PAX7: variants seen among roughly 807,000 people sequenced by gnomAD.
PAX7 encodes paired box protein Pax-7.
Under a neutral mutation model 50.7 loss-of-function variants are expected in PAX7, and 18 were observed. The observed-to-expected ratio is 0.36, with a 90% CI of 0.25 to 0.53. PAX7 has a LOEUF of 0.53. Ranked by LOEUF, PAX7 falls within the 20% of genes least tolerant of loss-of-function variation. The pLI, the probability that PAX7 is intolerant of heterozygous loss-of-function variation, is 0.93. For missense variants in PAX7, 644 were observed against 702.9 expected (o/e 0.92, Z 0.95); for synonymous variants, 310 against 290.4 (o/e 1.07, Z -0.69).
At chr1:18,663,063 C>T (rs936170722) in intron 4 of PAX7, among the ~76,000 whole-genome samples, 3 of 152,218 alleles carry the variant, frequency 2.0e-5, no homozygotes, top group Admixed American at 1.3e-4. Context: ...CACATCTATA[C>T]ATATGTTTAT....
chr1:18,723,319 A>G (rs1032076499), intron 7 of PAX7, among the ~76,000 whole-genome samples: 4 of 152,226 alleles, frequency 2.6e-5, no homozygotes, highest in Non-Finnish European at 4.4e-5. Context: ...CTACGGAGCC[A>G]TATATGTTGG....
At chr1:18,671,483 A>G (rs2088747909) in intron 4 of PAX7, among the ~76,000 whole-genome samples, 1 of 152,224 alleles carries the variant, frequency 6.6e-6, no homozygotes, top group Non-Finnish European at 1.5e-5. Flanking sequence ...GAAGAAAGCC[A>G]GAGGTTGGGG....
At chr1:18,699,105 G>T (rs78201204) in intron 5 of PAX7, among the ~76,000 whole-genome samples, 1 of 152,102 alleles carries the variant, frequency 6.6e-6, no homozygotes, top group Non-Finnish European at 1.5e-5. Flanking sequence ...TCATTCATTC[G>T]TCATTCACTC....
chr1:18,689,139 C>A (rs1446191063), intron 4 of PAX7, among the ~76,000 whole-genome samples: 1 of 152,144 alleles, frequency 6.6e-6, no homozygotes, highest in African/African-American at 2.4e-5. Flanking sequence ...CACTGGAGAA[C>A]TGAATCTGGT....
chr1:18,704,166 G>A (rs1311144067), intron 7 of PAX7, among the ~76,000 whole-genome samples: 1 of 152,208 alleles, frequency 6.6e-6, no homozygotes, highest in Non-Finnish European at 1.5e-5. Flanking sequence ...TACCTAAAAG[G>A]AGAATAGAAA....
chr1:18,661,856 C>T (rs1013628328), intron 4 of PAX7, among the ~76,000 whole-genome samples: 4 of 152,168 alleles, frequency 2.6e-5, no homozygotes, highest in African/African-American at 4.8e-5. Context: ...AGGGGGTGGG[C>T]GGAGGGCGCC....
At chr1:18,648,238 C>T (rs1282191110) in intron 4 of PAX7, among the ~76,000 whole-genome samples, 2 of 152,106 alleles carry the variant, frequency 1.3e-5, no homozygotes, top group Non-Finnish European at 2.9e-5. Context: ...TTTTCCCCAC[C>T]CCCAGCCATC....
At chr1:18,685,898 TCCATCACCATCA>T (rs561049071) in intron 4 of PAX7, among the ~76,000 whole-genome samples, 24 of 151,886 alleles carry the variant, frequency 1.6e-4, no homozygotes, top group African/African-American at 2.2e-4. Context: ...CAACCTTCCA[TCCATCACCATCA>T]CCATCACCAT....
intron 4 of PAX7, among the ~76,000 whole-genome samples, chr1:18,677,424 C>G (rs774974372): frequency 6.6e-5 from 10 of 152,116 alleles, no homozygotes; most frequent in Admixed American, 4.6e-4. Context: ...ATCCTGAGAC[C>G]CCTAGTTCCT....
intron 7 of PAX7, among the ~76,000 whole-genome samples, chr1:18,716,609 C>T (rs1401334539): frequency 2.0e-5 from 3 of 151,842 alleles, no homozygotes; most frequent in African/African-American, 7.3e-5. Flanking sequence ...GTGCCACCAC[C>T]CCCTTGCTCA....
chr1:18,707,749 T>C (rs941312819), intron 7 of PAX7, among the ~76,000 whole-genome samples: 7 of 152,160 alleles, frequency 4.6e-5, no homozygotes, highest in Admixed American at 4.6e-4. Flanking sequence ...TAGTTACTTG[T>C]TCTGTCTTCC....
chr1:18,679,251 G>A (rs1160901188), intron 4 of PAX7, among the ~76,000 whole-genome samples: 1 of 152,156 alleles, frequency 6.6e-6, no homozygotes, highest in Admixed American at 6.5e-5. Context: ...GAGGGACGAG[G>A]CCCAAAGCCA....
chr1:18,675,290 C>T (rs977399948), intron 4 of PAX7, among the ~76,000 whole-genome samples: 1 of 152,046 alleles, frequency 6.6e-6, no homozygotes, highest in Non-Finnish European at 1.5e-5. Flanking sequence ...AGGCACGTGC[C>T]GATCGCCTTG....
chr1:18,648,697 A>G (rs1181041702), intron 4 of PAX7, among the ~76,000 whole-genome samples: 3 of 152,058 alleles, frequency 2.0e-5, no homozygotes, highest in Non-Finnish European at 4.4e-5. Flanking sequence ...GGGGAGGATA[A>G]CCCCCACTGC....
At chr1:18,648,175 A>G (rs2088375200) in intron 4 of PAX7, among the ~76,000 whole-genome samples, 1 of 151,918 alleles carries the variant, frequency 6.6e-6, no homozygotes, top group Admixed American at 6.6e-5. Context: ...GGTATGTGAC[A>G]CAGGCTCCTA....
At chr1:18,667,083 T>C (rs1197738918) in intron 4 of PAX7, among the ~76,000 whole-genome samples, 2 of 152,114 alleles carry the variant, frequency 1.3e-5, no homozygotes, top group African/African-American at 4.8e-5. Context: ...TTGGTCTGAT[T>C]TCATTCCCTC....
intron 5 of PAX7, among the ~76,000 whole-genome samples, chr1:18,692,392 A>G: frequency 6.6e-6 from 1 of 152,220 alleles, no homozygotes; most frequent in Middle Eastern, 3.4e-3. Flanking sequence ...AAACACAAAA[A>G]TTAGCTGGGC....
At chr1:18,698,106 A>G (rs1160554028) in intron 5 of PAX7, among the ~76,000 whole-genome samples, 1 of 152,162 alleles carries the variant, frequency 6.6e-6, no homozygotes, top group Admixed American at 6.5e-5. Flanking sequence ...CTGCTGCTAC[A>G]TGACAAACTA....
At chr1:18,697,207 A>T (rs2089160827) in intron 5 of PAX7, among the ~76,000 whole-genome samples, 1 of 152,212 alleles carries the variant, frequency 6.6e-6, no homozygotes, top group African/African-American at 2.4e-5. Flanking sequence ...CCCTACTCCC[A>T]GCGCAGGGTA....
Sources: allele counts gnomAD v4.1 joint callset (sites outside exome capture counted in the v4.1 genomes callset), GRCh38; gene constraint gnomAD v4.1.1; transcripts MANE v1.5; gene names NCBI Gene and HGNC (gene_info 2026-07-23, HGNC 2026-07-21).